GAB3: variants seen among roughly 807,000 people sequenced by gnomAD.
GAB3 encodes GRB2 associated binding protein 3.
GAB3 carries 12 observed loss-of-function variants against 40.4 expected under a neutral mutation model. That is an observed-to-expected ratio of 0.30 (90% CI 0.19 to 0.48). The LOEUF is 0.48. Ranked by LOEUF, GAB3 falls within the 20% of genes least tolerant of loss-of-function variation. GAB3 has a pLI of 0.99. For synonymous variants in GAB3, 154 were observed against 176.7 expected (o/e 0.87, Z 1.02); for missense variants, 381 against 461.9 (o/e 0.82, Z 1.61).
At chrX:154,716,616 C>T (rs1224415280) in intron 1 of GAB3, among the ~76,000 whole-genome samples, 1 of 112,383 alleles carries the variant, frequency 8.9e-6, no homozygotes, top group Non-Finnish European at 1.9e-5. Flanking sequence ...GAATGTAGTA[C>T]AAATTTAACA....
Position 154,677,800 on chromosome X carries a change from C to G in GAB3, c.*378G>C, listed in dbSNP as rs1463498937. 2 of 228,778 alleles carry G rather than the reference C, an allele frequency of 8.7e-6. No individual in the cohort carries two copies. Among genetic ancestry groups the G allele is most frequent in the Non-Finnish European group, 1.6e-5 (2 of 128,961 alleles). 18.9% of individuals were successfully genotyped at this position (228,778 alleles called of 1,213,427 possible). A position where few individuals can be genotyped will look rare whatever the true frequency, so the allele number is the denominator to read the frequency against. On this transcript the variant is annotated 3_prime_UTR_variant, in exon 10 of 10. Transcript: ENST00000424127. ...CTGGAACAAGATGGTCTCCAGAGGC[C>G]CCTTTGCTAGGATAATTTATCATTC...
Position 154,677,721 on chromosome X carries a change from G to C in GAB3, c.*457C>G, listed in dbSNP as rs782554128. The C allele has an allele frequency of 6.7e-6, 1 of 148,418 alleles. No homozygotes were observed. Among genetic ancestry groups the C allele is most frequent in the East Asian group, 1.5e-4 (1 of 6,610 alleles). The allele number at this position is 148,418 out of a possible 1,213,427, so 12.2% of individuals were successfully genotyped here. A position where few individuals can be genotyped will look rare whatever the true frequency, so the allele number is the denominator to read the frequency against. On this transcript the variant is annotated 3_prime_UTR_variant, in exon 10 of 10. Transcript: ENST00000424127. ...AATGACTAGTCTGCTGAAGTCTGTGGAGTAAGATTCTGCCACCATTGCTGG... is the reference window on the plus strand; with the variant it reads ...AATGACTAGTCTGCTGAAGTCTGTGCAGTAAGATTCTGCCACCATTGCTGG...
chrX:154,751,420 T>C (rs368006808), upstream of GAB3: 89 of 479,833 alleles, frequency 1.9e-4, 1 homozygote, highest in East Asian at 0.012. Flanking sequence ...TCATGCCCCA[T>C]CCCCAATCCG....
intron 8 of GAB3, among the ~76,000 whole-genome samples, chrX:154,687,359 T>C (rs1374249280): frequency 6.4e-5 from 7 of 109,277 alleles, no homozygotes; most frequent in African/African-American, 2.0e-4. Context: ...AGGCCAGGCG[T>C]GGTGGCTCAC....
chrX:154,750,862 G>A, intron 1 of GAB3, 92 bp downstream of exon 1: 1 of 561,743 alleles, frequency 1.8e-6, no homozygotes, highest in Non-Finnish European at 2.2e-6. Flanking sequence ...GCTGCGCCTG[G>A]CGCGCCCGGA....
intron 8 of GAB3, among the ~76,000 whole-genome samples, chrX:154,687,221 A>C (rs1393325978): frequency 9.0e-6 from 1 of 110,825 alleles, no homozygotes; most frequent in African/African-American, 3.3e-5. Context: ...AACAAAAAAA[A>C]CAAAAACCAA....
At chrX:154,690,217 T>G (rs1270408372) in intron 8 of GAB3, among the ~76,000 whole-genome samples, 1 of 110,161 alleles carries the variant, frequency 9.1e-6, no homozygotes, top group Non-Finnish European at 1.9e-5. Context: ...TAGCCATATG[T>G]AGAAAGCTGA....
intron 7 of GAB3, 109 bp from the exon 8 acceptor site, chrX:154,696,128 A>G: frequency 2.4e-6 from 1 of 408,727 alleles, no homozygotes; most frequent in Non-Finnish European, 4.3e-6. Context: ...TCTTCCAGAC[A>G]CAACTTCCTT....
intron 4 of GAB3, among the ~76,000 whole-genome samples, chrX:154,705,094 C>T: frequency 9.1e-6 from 1 of 110,323 alleles, no homozygotes; most frequent in Non-Finnish European, 1.9e-5. Flanking sequence ...TCAAACTATC[C>T]CCCACAAAAT....
chrX:154,687,379 C>T lies in GAB3; in HGVS notation c.1531-7131G>A, dbSNP rs2070470495. Among the ~76,000 whole-genome samples, 3 of 110,360 alleles carry T rather than the reference C, an allele frequency of 2.7e-5. No homozygotes were observed. The Admixed American group carries it at 2.9e-4, about 11-fold the overall frequency. On this transcript the variant is annotated intron_variant, in intron 8 of 9. Transcript: ENST00000424127. Reference sequence around the variant, plus strand: ...AGGCGTGGTGGCTCACGCCTGTAATCCCAGCACTTTGGGAGGCTGAGGCGG... The same window carrying T: ...AGGCGTGGTGGCTCACGCCTGTAATTCCAGCACTTTGGGAGGCTGAGGCGG...
At chrX:154,710,427 G>A (rs1169881992) in intron 4 of GAB3, among the ~76,000 whole-genome samples, 1 of 111,738 alleles carries the variant, frequency 8.9e-6, no homozygotes, top group African/African-American at 3.3e-5. Flanking sequence ...AAGAGAGTGT[G>A]GCACTGGTGC....
At chrX:154,681,645 G>A (rs2070375799) in intron 8 of GAB3, among the ~76,000 whole-genome samples, 1 of 110,294 alleles carries the variant, frequency 9.1e-6, no homozygotes, top group African/African-American at 3.3e-5. Flanking sequence ...ATGTAATGTC[G>A]ATCTTTTCCT....
rs191794567 is a variant in GAB3 at position 154,703,318 on chromosome X, C to T, written c.1070-3259G>A. On this transcript the variant is annotated intron_variant, in intron 4 of 9. Transcript: ENST00000424127. ...ATATACACCATGGCATACTATGCAG[C>T]CATAAAAAATAATGAGATCATGTCC... Among the ~76,000 whole-genome samples, 112 of 112,203 alleles carry T rather than the reference C, an allele frequency of 1.0e-3. No individual in the cohort carries two copies. In the South Asian group the frequency reaches 0.023, roughly 23 times the overall value.
chrX:154,727,937 T>A (rs2071236529), intron 1 of GAB3, among the ~76,000 whole-genome samples: 1 of 111,927 alleles, frequency 8.9e-6, no homozygotes. Context: ...GGCTCCAGAA[T>A]TCACTCCAAT....
intron 1 of GAB3, among the ~76,000 whole-genome samples, chrX:154,718,557 G>A (rs1381423583): frequency 3.6e-5 from 4 of 111,730 alleles, no homozygotes; most frequent in East Asian, 2.8e-4. Context: ...TTGCAAAAAC[G>A]TGGCACTGGA....
intron 1 of GAB3, among the ~76,000 whole-genome samples, chrX:154,717,032 T>C (rs2148462169): frequency 8.9e-6 from 1 of 112,107 alleles, no homozygotes; most frequent in South Asian, 3.7e-4. Flanking sequence ...ACTATTACTA[T>C]CTCCATCTTA....
rs782046354 is a variant in GAB3 at position 154,677,295 on chromosome X, CAT to C, written c.*881_*882del. The C allele has an allele frequency of 1.8e-5, 2 of 111,977 alleles. No homozygotes were observed. The highest frequency in any genetic ancestry group is 9.4e-5 in the Admixed American group (1 of 10,645). The allele number at this position is 111,977 out of a possible 1,213,427, so 9.2% of individuals were successfully genotyped here. On this transcript the variant is annotated 3_prime_UTR_variant, in exon 10 of 10. Coordinates refer to ENST00000424127, the MANE Select transcript of GAB3 (RefSeq NM_001081573.3). ...ATTTTGTGTCTGCAGGTGTTTCCCA[CAT>C]GTCTCCAAGGCTCACCCAATTAATC...
intron 4 of GAB3, among the ~76,000 whole-genome samples, chrX:154,709,571 G>A (rs782367232): frequency 1.9e-4 from 21 of 108,181 alleles, no homozygotes; most frequent in South Asian, 8.1e-4. Flanking sequence ...GCCCGCCCCC[G>A]CCTCCCAAAG....
chrX:154,699,595 G>A, intron 5 of GAB3, 82 bp from the exon 6 acceptor site: 1 of 792,801 alleles, frequency 1.3e-6, no homozygotes, highest in Non-Finnish European at 1.8e-6. Context: ...CTGTACATAT[G>A]GTTTCAGTTC....
Sources: gnomAD v4.1 joint callset for allele counts (sites outside exome capture counted in the v4.1 genomes callset) on GRCh38, gnomAD v4.1.1 for gene constraint, MANE v1.5 for transcripts, NCBI Gene and HGNC (gene_info 2026-07-23, HGNC 2026-07-21) for gene names.